Variants in ADGB observed in about 807,000 individuals in gnomAD.
ADGB encodes calpain-7-like protein.
In ADGB, 172 loss-of-function variants were observed where a neutral mutation model predicts 210.5. The observed-to-expected ratio is 0.82, with a 90% confidence interval of 0.72 to 0.93. ADGB has a LOEUF of 0.93. ADGB is among the 40% of genes least tolerant of loss of function. The probability of loss-of-function intolerance (pLI) is 0.00; values close to 1 mark genes in which losing one functional copy is unlikely to be tolerated. For synonymous variants in ADGB, 658 were observed against 662.7 expected, an observed-to-expected ratio of 0.99 and a Z score of 0.11; for missense variants, 2,025 against 1,964.8, an observed-to-expected ratio of 1.03 and a Z score of -0.58.
chr6:146,663,657 T>C lies in ADGB; in HGVS notation c.613-544T>C, dbSNP rs79824921. On this transcript the variant is annotated intron_variant, in intron 5 of 35. Transcript: ENST00000397944. Reference sequence around the variant, plus strand: ...GATATGTTCAATATAGATATACATGTTCAGTAATCATACAGTATTTATCCT... The same window carrying C: ...GATATGTTCAATATAGATATACATGCTCAGTAATCATACAGTATTTATCCT... 2.0e-3 allele frequency among the ~76,000 whole-genome samples: 304 copies of C among 152,200 alleles called. 6 individuals are homozygous for C. The East Asian group carries it at 0.032, about 16-fold the overall frequency.
rs565605086 is a variant in ADGB at position 146,719,371 on chromosome 6, A to AAT, written c.1992+1772_1992+1773insAT. Among the ~76,000 whole-genome samples the AAT allele has an allele frequency of 8.3e-3, 1,261 of 152,210 alleles. 11 individuals are homozygous for AAT. Among genetic ancestry groups the AAT allele is most frequent in the Non-Finnish European group, 0.011 (726 of 68,010 alleles). On this transcript the variant is annotated intron_variant, in intron 16 of 35. Transcript: ENST00000397944. ...CTTATGAAGTCATGATAAGCACAGAATTTTTTTTCTTTTAAAAGTCTCAGC... is the reference window on the plus strand; with the variant it reads ...CTTATGAAGTCATGATAAGCACAGAAATTTTTTTTTCTTTTAAAAGTCTCAGC...
At chr6:146,810,446 C>G (rs1023771690) in intron 35 of ADGB, among the ~76,000 whole-genome samples, 5 of 152,088 alleles carry the variant, frequency 3.3e-5, no homozygotes, top group African/African-American at 1.2e-4. Context: ...CAATCCCATT[C>G]CTGGGTATAT....
intron 15 of ADGB, among the ~76,000 whole-genome samples, chr6:146,717,326 G>A (rs541822221): frequency 6.6e-6 from 1 of 152,234 alleles, no homozygotes; most frequent in South Asian, 2.1e-4. Context: ...TCTTAGGCCA[G>A]TTGCAGCTTT....
At chr6:146,630,839 A>T (rs1285036522) in intron 1 of ADGB, among the ~76,000 whole-genome samples, 1 of 152,200 alleles carries the variant, frequency 6.6e-6, no homozygotes, top group East Asian at 1.9e-4. Context: ...CTTTTCACTG[A>T]GACTTGAGTA....
At chr6:146,633,105 CTTAT>C (rs1239151456) in intron 1 of ADGB, among the ~76,000 whole-genome samples, 1 of 152,132 alleles carries the variant, frequency 6.6e-6, no homozygotes, top group Non-Finnish European at 1.5e-5. Context: ...AAAGCACAAT[CTTAT>C]TTATCAGCGC....
chr6:146,679,958 G>T (rs947767160), intron 9 of ADGB, among the ~76,000 whole-genome samples: 1 of 152,106 alleles, frequency 6.6e-6, no homozygotes, highest in Non-Finnish European at 1.5e-5. Context: ...TAGTACTCTA[G>T]TATAGAGTTC....
intron 13 of ADGB, among the ~76,000 whole-genome samples, chr6:146,710,178 T>C (rs1298791548): frequency 6.6e-6 from 1 of 151,348 alleles, no homozygotes; most frequent in Non-Finnish European, 1.5e-5. Context: ...TTGAGATTTC[T>C]ATATCTGGTT....
intron 6 of ADGB, among the ~76,000 whole-genome samples, chr6:146,664,944 C>T (rs1377363490): frequency 6.6e-6 from 1 of 152,012 alleles, no homozygotes; most frequent in East Asian, 1.9e-4. Context: ...GCTATTCCCT[C>T]AGCTTACACT....
intron 11 of ADGB, among the ~76,000 whole-genome samples, chr6:146,691,874 TTTCC>T (rs1236491431): frequency 6.6e-6 from 1 of 151,828 alleles, no homozygotes. Context: ...TTGTTTGTTT[TTTCC>T]TTCCTTCCTT....
At chr6:146,678,561 T>C (rs1776114568) in intron 9 of ADGB, among the ~76,000 whole-genome samples, 1 of 152,148 alleles carries the variant, frequency 6.6e-6, no homozygotes, top group Non-Finnish European at 1.5e-5. Flanking sequence ...ATTAGAGGTG[T>C]TGTAGTTAAT....
chr6:146,813,270 A>G (rs968842073), intron 35 of ADGB, among the ~76,000 whole-genome samples: 2 of 67,532 alleles, frequency 3.0e-5, no homozygotes, highest in Non-Finnish European at 6.6e-5. Context: ...TTACTTCTTC[A>G]GAGTGTTCTC....
intron 16 of ADGB, among the ~76,000 whole-genome samples, chr6:146,718,918 A>G (rs139285298): frequency 6.8e-6 from 1 of 146,288 alleles, no homozygotes; most frequent in Non-Finnish European, 1.5e-5. Context: ...ACCTAGAGGA[A>G]TACTTTGACT....
intron 7 of ADGB, among the ~76,000 whole-genome samples, chr6:146,668,994 C>G (rs1198938972): frequency 1.3e-5 from 2 of 151,972 alleles, no homozygotes; most frequent in African/African-American, 4.8e-5. Flanking sequence ...TGGTCTCATT[C>G]CGTGGTGTTT....
At chr6:146,795,948 C>A (rs1259113059) in intron 33 of ADGB, among the ~76,000 whole-genome samples, 1 of 151,766 alleles carries the variant, frequency 6.6e-6, no homozygotes, top group Non-Finnish European at 1.5e-5. Flanking sequence ...CTGAGAAAAC[C>A]CTAAAGACTC....
At chr6:146,634,413 C>A (rs1775368852) in intron 1 of ADGB, among the ~76,000 whole-genome samples, 1 of 152,074 alleles carries the variant, frequency 6.6e-6, no homozygotes, top group African/African-American at 2.4e-5. Flanking sequence ...AGGATATGAG[C>A]TGTATAGAGA....
intron 32 of ADGB, among the ~76,000 whole-genome samples, chr6:146,786,938 G>A (rs534762391): frequency 1.1e-4 from 16 of 152,216 alleles, no homozygotes; most frequent in African/African-American, 2.9e-4. Context: ...GAATTCAACC[G>A]TAGATACAAC....
intron 6 of ADGB, among the ~76,000 whole-genome samples, chr6:146,664,774 A>T (rs956164737): frequency 3.3e-5 from 5 of 152,078 alleles, no homozygotes; most frequent in African/African-American, 1.2e-4. Flanking sequence ...TTTCTGAAAG[A>T]TGTCAATGTA....
At position 146,803,528 on chromosome 6, in the gene ADGB, T is replaced by C. The variant is rs1778163333; in HGVS notation, c.4818+1517T>C. The C allele has an allele frequency of 3.1e-6, 5 of 1,592,792 alleles. No homozygotes were observed. In the South Asian group the frequency reaches 5.6e-5, roughly 18 times the overall value. On this transcript the variant is annotated intron_variant, in intron 35 of 35. Transcript: ENST00000397944. Reference sequence around the variant, plus strand: ...ATCACTTTACGAAGTTTATCTGGGCTTTTCACAGTTTGTCCAACTGTTCTA... The same window carrying C: ...ATCACTTTACGAAGTTTATCTGGGCCTTTCACAGTTTGTCCAACTGTTCTA...
chr6:146,719,720 C>T (rs1776787865), intron 16 of ADGB, among the ~76,000 whole-genome samples: 1 of 152,150 alleles, frequency 6.6e-6, no homozygotes, highest in Non-Finnish European at 1.5e-5. Context: ...TTCAGGAACA[C>T]CCCACCCCTC....
Sources: gnomAD v4.1 joint callset for allele counts (sites outside exome capture counted in the v4.1 genomes callset) on GRCh38, gnomAD v4.1.1 for gene constraint, MANE v1.5 for transcripts, NCBI Gene and HGNC (gene_info 2026-07-23, HGNC 2026-07-21) for gene names.